The following IPO11 variants were observed in gnomAD, a reference collection of about 807,000 sequenced individuals.
IPO11 encodes the protein importin-11.
Under a neutral mutation model 143.2 loss-of-function variants are expected in IPO11, and 66 were observed. The ratio of observed to expected loss-of-function variants is 0.46; its 90% CI spans 0.38 to 0.57. The LOEUF is 0.57. Among genes scored for constraint, IPO11 ranks in the 20% least tolerant of loss-of-function variants. The pLI, the probability that IPO11 is intolerant of heterozygous loss-of-function variation, is 0.00. For synonymous variants in IPO11, 385 were observed against 377.8 expected, an observed-to-expected ratio of 1.02 and a Z score of -0.22; for missense variants, 1,026 against 1,141.0, an observed-to-expected ratio of 0.90 and a Z score of 1.45.
At chr5:62,415,994 CAA>C (rs1247360997) in intron 1 of IPO11, among the ~76,000 whole-genome samples, 2 of 152,058 alleles carry the variant, frequency 1.3e-5, no homozygotes, top group African/African-American at 2.4e-5. Context: ...GTAGCTTAAA[CAA>C]GAGAATTTTT....
At chr5:62,586,771 ATATATATATAT>A (rs1744806372) in intron 27 of IPO11, among the ~76,000 whole-genome samples, 2 of 59,660 alleles carry the variant, frequency 3.4e-5, no homozygotes, top group African/African-American at 1.7e-4. Flanking sequence ...AAAAAAAAAT[ATATATATATAT>A]ATATATATAT....
intron 5 of IPO11, among the ~76,000 whole-genome samples, chr5:62,460,031 T>C (rs1212346957): frequency 6.6e-6 from 1 of 152,236 alleles, no homozygotes; most frequent in Non-Finnish European, 1.5e-5. Flanking sequence ...TGTTTTTGCT[T>C]TCTGACTTTT....
chr5:62,420,647 G>A (rs544257204), intron 1 of IPO11, among the ~76,000 whole-genome samples: 29 of 150,412 alleles, frequency 1.9e-4, no homozygotes, highest in Non-Finnish European at 3.5e-4. Context: ...TGGCACGATC[G>A]TGGCTCACTG....
chr5:62,450,677 AC>A (rs1744884507), intron 4 of IPO11, among the ~76,000 whole-genome samples: 2 of 151,222 alleles, frequency 1.3e-5, no homozygotes, highest in Non-Finnish European at 2.9e-5. Flanking sequence ...AAAAAAAAAA[AC>A]AACTCAGAAT....
intron 6 of IPO11, among the ~76,000 whole-genome samples, chr5:62,469,973 T>C (rs986760430): frequency 1.3e-5 from 2 of 152,206 alleles, no homozygotes; most frequent in Admixed American, 6.5e-5. Flanking sequence ...AGGTAAGAAG[T>C]ACTAACAATT....
At chr5:62,446,659 A>T (rs1326451585) in intron 3 of IPO11, among the ~76,000 whole-genome samples, 1 of 152,156 alleles carries the variant, frequency 6.6e-6, no homozygotes, top group Non-Finnish European at 1.5e-5. Context: ...CCTTTGTCAA[A>T]TATACGTATT....
chr5:62,531,808 T>G (rs191888604), intron 22 of IPO11, among the ~76,000 whole-genome samples: 1 of 152,342 alleles, frequency 6.6e-6, no homozygotes, highest in African/African-American at 2.4e-5. Context: ...GTTACTCTTT[T>G]CAAATAACAA....
intron 1 of IPO11, chr5:62,418,891 C>T: frequency 8.8e-7 from 1 of 1,137,542 alleles, no homozygotes; most frequent in South Asian, 1.7e-5. Context: ...ATTATAGCAC[C>T]AGGTGTGAAA....
At chr5:62,607,719 C>T (rs576885936) in intron 29 of IPO11, among the ~76,000 whole-genome samples, 5 of 151,986 alleles carry the variant, frequency 3.3e-5, no homozygotes, top group African/African-American at 1.2e-4. Context: ...GCAGTCCACC[C>T]AGGTTATGAG....
chr5:62,497,756 C>T (rs1201800265), intron 16 of IPO11, among the ~76,000 whole-genome samples: 1 of 152,360 alleles, frequency 6.6e-6, no homozygotes, highest in South Asian at 2.1e-4. Flanking sequence ...GCATTGGCCC[C>T]TCGGCCTGGA....
Position 62,619,726 on chromosome 5 carries a change from G to A in IPO11, c.2764-7428G>A, listed in dbSNP as rs531472068. ...AAATTAGCCGGGCACGGTGGTGGGC[G>A]CCTGTAGTCCCACCTAGTCGGGAGG... On this transcript the variant is annotated intron_variant, in intron 29 of 29. Transcript: ENST00000325324. Among the ~76,000 whole-genome samples, 13 of 152,106 alleles carry A rather than the reference G, an allele frequency of 8.5e-5. No individual in the cohort carries two copies. The South Asian group carries it at 1.5e-3, about 17-fold the overall frequency.
chr5:62,448,296 G>A (rs1400511809), intron 3 of IPO11, among the ~76,000 whole-genome samples: 1 of 152,000 alleles, frequency 6.6e-6, no homozygotes, highest in Admixed American at 6.6e-5. Context: ...GGGCAGGACA[G>A]CATGAGATTT....
At position 62,596,975 on chromosome 5, in the gene IPO11, C is replaced by A. The variant is rs1745252886; in HGVS notation, c.2679-4789C>A. Among the ~76,000 whole-genome samples the A allele has an allele frequency of 1.3e-5, 2 of 152,184 alleles. 1 individual carries two copies. Among genetic ancestry groups the A allele is most frequent in the South Asian group, 4.1e-4 (2 of 4,826 alleles). On this transcript the variant is annotated intron_variant, in intron 28 of 29. Coordinates refer to ENST00000325324, the MANE Select transcript of IPO11 (RefSeq NM_016338.5). Reference sequence around the variant, plus strand: ...AGCCCTTATCCTCCTTCGCAAATATCTACCTCTAAAATTGCATTCCAGGCT... The same window carrying A: ...AGCCCTTATCCTCCTTCGCAAATATATACCTCTAAAATTGCATTCCAGGCT...
At chr5:62,576,883 T>G in intron 27 of IPO11, among the ~76,000 whole-genome samples, 1 of 152,204 alleles carries the variant, frequency 6.6e-6, no homozygotes, top group South Asian at 2.1e-4. Flanking sequence ...GGGGAGAATC[T>G]GAATGGAAAA....
At chr5:62,494,440 A>T (rs1452820402) in intron 16 of IPO11, among the ~76,000 whole-genome samples, 4 of 152,214 alleles carry the variant, frequency 2.6e-5, no homozygotes, top group Non-Finnish European at 5.9e-5. Flanking sequence ...AGACTTTGGC[A>T]TTGAAATAGC....
chr5:62,513,110 A>G (rs1273662815), intron 19 of IPO11, among the ~76,000 whole-genome samples: 1 of 150,430 alleles, frequency 6.6e-6, no homozygotes, highest in South Asian at 2.1e-4. Flanking sequence ...TACACCTCCC[A>G]GACGGGGTGG....
intron 15 of IPO11, among the ~76,000 whole-genome samples, chr5:62,491,031 C>A (rs903331519): frequency 6.6e-6 from 1 of 152,160 alleles, no homozygotes; most frequent in Non-Finnish European, 1.5e-5. Flanking sequence ...AAAATTATTT[C>A]TTAGTTTAAA....
intron 24 of IPO11, among the ~76,000 whole-genome samples, chr5:62,545,577 A>T (rs1281069302): frequency 1.3e-5 from 2 of 152,244 alleles, no homozygotes; most frequent in Admixed American, 1.3e-4. Context: ...AGTAATGGCA[A>T]CAAAAGCCAA....
intron 12 of IPO11, among the ~76,000 whole-genome samples, chr5:62,485,725 C>G (rs746173990): frequency 2.3e-4 from 35 of 151,712 alleles, no homozygotes; most frequent in Non-Finnish European, 4.1e-4. Flanking sequence ...TGGCGCATAC[C>G]TGTAGTCCCA....
Sources: gnomAD v4.1 joint callset for allele counts (sites outside exome capture counted in the v4.1 genomes callset) on GRCh38, gnomAD v4.1.1 for gene constraint, MANE v1.5 for transcripts, NCBI Gene and HGNC (gene_info 2026-07-23, HGNC 2026-07-21) for gene names.